MBD3: variants seen among roughly 807,000 people sequenced by gnomAD.
MBD3 encodes methyl-CpG-binding domain protein 3.
MBD3 carries 13 observed loss-of-function variants against 31.2 expected under a neutral mutation model. The ratio of observed to expected loss-of-function variants is 0.42; its 90% confidence interval spans 0.27 to 0.66. MBD3 has a LOEUF of 0.66. MBD3 is among the 30% of genes least tolerant of loss of function. MBD3 has a pLI of 0.26. For synonymous variants in MBD3, 223 were observed against 187.4 expected (o/e 1.19, Z -1.55); for missense variants, 440 against 426.5 (o/e 1.03, Z -0.28).
intron 1 of MBD3, 110 bp downstream of exon 1, chr19:1,592,412 G>GC (rs1308568801): frequency 7.1e-6 from 2 of 282,630 alleles, no homozygotes; most frequent in Admixed American, 6.0e-5. Flanking sequence ...ACGCACGCAC[G>GC]ACGCACGCGC....
At position 1,573,915 on chromosome 19, in the gene MBD3, T is replaced by C. The variant is rs1915032040; in HGVS notation, c.*4249A>G. 6.6e-6 allele frequency: 1 copy of C among 152,070 alleles called. No individual in the cohort carries two copies. The highest frequency in any genetic ancestry group is 2.4e-5 in the African/African-American group (1 of 41,362). 9.4% of individuals were successfully genotyped at this position (152,070 alleles called of 1,614,324 possible). A position where few individuals can be genotyped will look rare whatever the true frequency, so the allele number is the denominator to read the frequency against. Reference sequence around the variant, plus strand: ...TACTCAGCAGGCTGAGGCTGGAGAATCTATTGAACCCGGGAGGAGGAGGTT... The same window carrying C: ...TACTCAGCAGGCTGAGGCTGGAGAACCTATTGAACCCGGGAGGAGGAGGTT... On this transcript the variant is annotated 3_prime_UTR_variant, in exon 7 of 7. Coordinates refer to ENST00000434436, the MANE Select transcript of MBD3 (RefSeq NM_001281453.2).
chr19:1,584,982 C>A, intron 2 of MBD3, 73 bp downstream of exon 2: 1 of 1,582,738 alleles, frequency 6.3e-7, no homozygotes, highest in Non-Finnish European at 8.6e-7. Context: ...GTGTCGCCTG[C>A]AGCTCACGTC....
rs1401843379 is a variant in MBD3, at chr19:1,578,102, C to CT, written c.*61_*62insA. 14 of 633,090 alleles carry CT rather than the reference C, an allele frequency of 2.2e-5. No homozygotes were observed. Among genetic ancestry groups the CT allele is most frequent in the Non-Finnish European group, 3.8e-5 (14 of 369,118 alleles). The allele number at this position is 633,090 out of a possible 1,614,324, so 39.2% of individuals were successfully genotyped here. A position where few individuals can be genotyped will look rare whatever the true frequency, so the allele number is the denominator to read the frequency against. ...GCCGCCGAGCCTGGTTCACGTGGGG[C>CT]CGAGGACCGCGTCTGCAGGCGGCTC... On this transcript the variant is annotated 3_prime_UTR_variant, in exon 7 of 7. Coordinates refer to ENST00000434436, the MANE Select transcript of MBD3 (RefSeq NM_001281453.2). The surrounding 1 kb of genome is among the most constrained non-coding windows in gnomAD (Gnocchi z 6.1).
Position 1,581,252 on chromosome 19 carries a change from T to C in MBD3, c.517A>G (p.Thr173Ala). ...KGLQGVGPGC[T>A]DETLLSAIAS... ...ATGGCCGACAGCAGCGTCTCATCCG[T>C]GCAGCCAGGTCCCACCCCTGCCAGG... Residue 173 changes from threonine to alanine, a missense_variant, in exon 5 of 7, where the codon ACG becomes GCG. By Grantham distance (58) the Thr-to-Ala change is moderately conservative (BLOSUM62 0). Coordinates refer to ENST00000434436, the MANE Select transcript of MBD3 (RefSeq NM_001281453.2). 2 of 1,609,500 alleles carry C rather than the reference T, an allele frequency of 1.2e-6. No homozygotes were observed. The highest frequency in any genetic ancestry group is 1.1e-5 in the South Asian group (1 of 91,060).
Position 1,577,856 on chromosome 19 carries a change from G to A in MBD3, c.*308C>T, listed in dbSNP as rs1044984530. The A allele has an allele frequency of 7.2e-5, 13 of 179,610 alleles. No individual in the cohort carries two copies. The highest frequency in any genetic ancestry group is 7.1e-4 in the Admixed American group (13 of 18,434). The allele number at this position is 179,610 out of a possible 1,614,324, so 11.1% of individuals were successfully genotyped here. ...CTCAAGGAGCTGGGACAGCGGGCAT[G>A]GGGAGGAGCTGGCCTCGAGCCCAAA... On this transcript the variant is annotated 3_prime_UTR_variant, in exon 7 of 7. Transcript: ENST00000434436.
chr19:1,582,616 G>A lies in MBD3; in HGVS notation c.499+6C>T, dbSNP rs777640067. On this transcript the variant is annotated splice_donor_region_variant and intron_variant, in intron 4 of 6. Transcript: ENST00000434436. ...CCTTCCGCCTCCCCTCAGGGTGCCC[G>A]CTCACCCTGCAGGCCCTTGGGGAGG... 16 of 1,612,898 alleles carry A rather than the reference G, an allele frequency of 9.9e-6. No homozygotes were observed. Among genetic ancestry groups the A allele is most frequent in the Middle Eastern group, 1.7e-4 (1 of 5,898 alleles).
In MBD3 at chr19:1,578,255, A is replaced by G; in HGVS notation, c.*5+80T>C. On this transcript the variant is annotated intron_variant, in intron 6 of 6. Coordinates refer to ENST00000434436, the MANE Select transcript of MBD3 (RefSeq NM_001281453.2). The surrounding 1 kb of genome is among the most constrained non-coding windows in gnomAD (Gnocchi z 6.1). ...GGGAAGCTCTTGGGAGGCACCCGTC[A>G]TCCCAAGCACATCTGTGTTCACCAG... 6.3e-7 allele frequency: 1 copy of G among 1,584,478 alleles called. No individual in the cohort carries two copies. The highest frequency in any genetic ancestry group is 8.6e-7 in the Non-Finnish European group (1 of 1,169,188).
In MBD3 at chr19:1,578,667, C is replaced by A; in HGVS notation, c.678-129G>T. On this transcript the variant is annotated intron_variant, in intron 5 of 6. Coordinates refer to ENST00000434436, the MANE Select transcript of MBD3 (RefSeq NM_001281453.2). This position sits in a 1 kb window ranked among gnomAD's most constrained non-coding sequence, Gnocchi z 6.1. Reference sequence around the variant, plus strand: ...CCACAGGCACCCCCCCAGGACCAGCCCTGGCCCGTGCCACCCCTCCCTTCA... The same window carrying A: ...CCACAGGCACCCCCCCAGGACCAGCACTGGCCCGTGCCACCCCTCCCTTCA... The A allele has an allele frequency of 6.4e-7, 1 of 1,568,262 alleles. No homozygotes were observed. Among genetic ancestry groups the A allele is most frequent in the Non-Finnish European group, 8.7e-7 (1 of 1,155,398 alleles).
chr19:1,591,684 C>T (rs1185438606), intron 1 of MBD3, among the ~76,000 whole-genome samples: 1 of 151,352 alleles, frequency 6.6e-6, no homozygotes, highest in Non-Finnish European at 1.5e-5. Context: ...TCAAAAGCAT[C>T]TTTCCCGAGC....
rs1478959308 is a variant in MBD3, at chr19:1,585,013, A to G, written c.270+42T>C. ...ACGTCATGGCCGCGTCCCCGCCTAG[A>G]ACGCCCCGCGCCGACGTCACCTGCG... On this transcript the variant is annotated intron_variant, in intron 2 of 6. Transcript: ENST00000434436. The surrounding 1 kb of genome is among the most constrained non-coding windows in gnomAD (Gnocchi z 4.1). The G allele has an allele frequency of 6.2e-7, 1 of 1,604,438 alleles. No individual in the cohort carries two copies.
At chr19:1,584,141 T>C (rs911775990) in intron 3 of MBD3, among the ~76,000 whole-genome samples, 1 of 152,032 alleles carries the variant, frequency 6.6e-6, no homozygotes, top group Non-Finnish European at 1.5e-5. Context: ...GACCATTTTC[T>C]GAGGGGCCTG....
In MBD3 at chr19:1,591,698, G is replaced by GA. The variant is rs549891651; in HGVS notation, c.110+823dup. 9.8e-3 allele frequency among the ~76,000 whole-genome samples: 1,366 copies of GA among 138,844 alleles called. 10 individuals carry two copies. The highest frequency in any genetic ancestry group is 0.024 in the African/African-American group (910 of 37,960). The allele number at this position is 138,844 out of a possible 152,430, so 91.1% of individuals were successfully genotyped here. A position where few individuals can be genotyped will look rare whatever the true frequency, so the allele number is the denominator to read the frequency against. ...ATCAAAAGCATCTTTCCCGAGCCAG[G>GA]AAAAAAAAAAAAAAGAGGACAAACA... is the stretch of plus-strand genomic sequence containing the variant. On this transcript the variant is annotated intron_variant, in intron 1 of 6. Coordinates refer to ENST00000434436, the MANE Select transcript of MBD3 (RefSeq NM_001281453.2).
In MBD3 at chr19:1,578,459, C is replaced by T; in HGVS notation, c.757G>A (p.Glu253Lys). The T allele has an allele frequency of 6.2e-7, 1 of 1,609,250 alleles. No individual in the cohort carries two copies. Among genetic ancestry groups the T allele is most frequent in the African/African-American group, 1.3e-5 (1 of 75,064 alleles). Residue 253 changes from glutamate to lysine, a missense_variant, in exon 6 of 7, where the codon GAG becomes AAG. Glu to Lys is a moderately conservative substitution (Grantham distance 56). Transcript: ENST00000434436. This position sits in a 1 kb window ranked among gnomAD's most constrained non-coding sequence, Gnocchi z 6.1. ...LMADMLAHVE[E>K]LARDGEAPLD... ...GGCGCCTCCCCGTCACGGGCCAGCT[C>T]CTCCACGTGCGCCAGCATGTCGGCC...
rs1422788408 is a variant in MBD3 at position 1,575,027 on chromosome 19, C to T, written c.*3137G>A. 12 of 359,404 alleles carry T rather than the reference C, an allele frequency of 3.3e-5. No individual in the cohort carries two copies. Among genetic ancestry groups the T allele is most frequent in the Admixed American group, 2.3e-4 (7 of 29,920 alleles). The allele number at this position is 359,404 out of a possible 1,614,324, so 22.3% of individuals were successfully genotyped here. On this transcript the variant is annotated 3_prime_UTR_variant, in exon 7 of 7. Coordinates refer to ENST00000434436, the MANE Select transcript of MBD3 (RefSeq NM_001281453.2). ...GGCCGAGGGCTGGGAGGTGCATCCT[C>T]GCCACGGGGGTCCTGAGCCTCTCCT...
At chr19:1,584,900 C>T in intron 2 of MBD3, 155 bp downstream of exon 2, 1 of 1,204,714 alleles carries the variant, frequency 8.3e-7, no homozygotes, top group Non-Finnish European at 1.2e-6. Flanking sequence ...TTGCGCTCTG[C>T]ACCCTGTGGC....
chr19:1,584,156 T>A (rs1313055260), intron 3 of MBD3, among the ~76,000 whole-genome samples: 1 of 151,892 alleles, frequency 6.6e-6, no homozygotes, highest in Non-Finnish European at 1.5e-5. Flanking sequence ...GGCCTGAACA[T>A]CCCCAGATTT....
At chr19:1,588,233 C>T (rs2060688027) in intron 1 of MBD3, among the ~76,000 whole-genome samples, 1 of 152,220 alleles carries the variant, frequency 6.6e-6, no homozygotes, top group African/African-American at 2.4e-5. Context: ...AGGACAAGTG[C>T]CTGGGGGTCT....
Position 1,578,159 on chromosome 19 carries a change from C to A in MBD3, c.*6-1G>T. The A allele has an allele frequency of 1.0e-6, 1 of 1,003,856 alleles. No individual in the cohort carries two copies. The highest frequency in any genetic ancestry group is 2.4e-5 in the Admixed American group (1 of 41,148). 62.2% of individuals were successfully genotyped at this position (1,003,856 alleles called of 1,614,324 possible). ...GCAGCACGGGCTCTCGGCAGGGCCT[C>A]TGGAAAGGACAGGGAGGGCTGGCTT... On this transcript the variant is annotated splice_acceptor_variant, in intron 6 of 6. Transcript: ENST00000434436. LOFTEE classifies it low-confidence loss of function (3UTR_SPLICE). This position sits in a 1 kb window ranked among gnomAD's most constrained non-coding sequence, Gnocchi z 6.1.
chr19:1,578,583 C>T lies in MBD3; in HGVS notation c.678-45G>A. The T allele has an allele frequency of 6.2e-7, 1 of 1,607,808 alleles. No individual in the cohort carries two copies. On this transcript the variant is annotated intron_variant, in intron 5 of 6. Coordinates refer to ENST00000434436, the MANE Select transcript of MBD3 (RefSeq NM_001281453.2). This position sits in a 1 kb window ranked among gnomAD's most constrained non-coding sequence, Gnocchi z 6.1. The stretch of plus-strand genomic sequence containing the variant: ...GCGTTACACCAAGGTGAGCGGCCAG[C>T]AGGACATGGACACAGGATGAACGTG...
Sources: allele counts gnomAD v4.1 joint callset (sites outside exome capture counted in the v4.1 genomes callset), GRCh38; gene constraint gnomAD v4.1.1; non-coding constraint Gnocchi (gnomAD v3.1); transcripts MANE v1.5; gene names NCBI Gene and HGNC (gene_info 2026-07-23, HGNC 2026-07-21).